KCNJ6: variants seen among roughly 807,000 people sequenced by gnomAD.
KCNJ6 encodes the protein potassium inwardly rectifying channel subfamily J member 6, also known as G protein-activated inward rectifier potassium channel 2.
Under a neutral mutation model 34.2 loss-of-function variants are expected in KCNJ6, and 9 were observed. The ratio of observed to expected loss-of-function variants is 0.26; its 90% CI spans 0.16 to 0.46. KCNJ6 has a LOEUF of 0.46. KCNJ6 is among the 20% of genes least tolerant of loss of function. KCNJ6 has a pLI of 1.00. For synonymous variants in KCNJ6, 196 were observed against 207.1 expected, an observed-to-expected ratio of 0.95 and a Z score of 0.46; for missense variants, 236 against 531.3, an observed-to-expected ratio of 0.44 and a Z score of 5.46.
rs73397988 is a variant in KCNJ6, at chr21:37,608,553, C to T, written c.*16606G>A. On this transcript the variant is annotated 3_prime_UTR_variant, in exon 4 of 4. Transcript: ENST00000609713. ...TCATGAGGCCATTTCTTACTGCTTA[C>T]GCAGAAACTGATCTACTTTCTTTAC... 18,756 of 152,252 alleles carry T rather than the reference C, an allele frequency of 0.12. 1,424 individuals are homozygous for T. Among genetic ancestry groups the T allele is most frequent in the East Asian group, 0.39 (2,028 of 5,186 alleles). 9.4% of individuals were successfully genotyped at this position (152,252 alleles called of 1,614,324 possible). A position where few individuals can be genotyped will look rare whatever the true frequency, so the allele number is the denominator to read the frequency against.
At chr21:37,870,027 T>A (rs9981520) in intron 1 of KCNJ6, among the ~76,000 whole-genome samples, 114,520 of 152,204 alleles carry the variant, frequency 0.75, 43,326 homozygotes, top group East Asian at 0.91. Flanking sequence ...ATGGCACAGG[T>A]CCCTGGGAGG....
At chr21:37,649,132 C>CAAAAAAAAAAAAAAA (rs1169306298) in intron 3 of KCNJ6, among the ~76,000 whole-genome samples, 68 of 39,782 alleles carry the variant, frequency 1.7e-3, no homozygotes, top group East Asian at 4.7e-3. Context: ...GACTCCATCT[C>CAAAAAAAAAAAAAAA]AAAAAAAAAA....
At position 37,616,647 on chromosome 21, in the gene KCNJ6, A is replaced by AAATTGGT. The variant is rs2054269395; in HGVS notation, c.*8505_*8511dup. ...GACTCTGAACATATACGCTCGGTTAAAATTGGTGGTGGCTATTAAGTGGTA... is the reference window on the plus strand; with the variant it reads ...GACTCTGAACATATACGCTCGGTTAAAATTGGTAATTGGTGGTGGCTATTAAGTGGTA... On this transcript the variant is annotated 3_prime_UTR_variant, in exon 4 of 4. Transcript: ENST00000609713. The AAATTGGT allele has an allele frequency of 7.1e-6, 1 of 141,068 alleles. No individual in the cohort carries two copies. The highest frequency in any genetic ancestry group is 2.3e-4 in the South Asian group (1 of 4,314). The allele number at this position is 141,068 out of a possible 1,614,324, so 8.7% of individuals were successfully genotyped here.
intron 3 of KCNJ6, among the ~76,000 whole-genome samples, chr21:37,664,537 T>C (rs1450745188): frequency 6.6e-6 from 1 of 152,012 alleles, no homozygotes; most frequent in East Asian, 1.9e-4. Context: ...TTTTAAGAAA[T>C]ATCATGAATT....
At chr21:37,748,181 A>G (rs1031269740) in intron 2 of KCNJ6, among the ~76,000 whole-genome samples, 1 of 152,208 alleles carries the variant, frequency 6.6e-6, no homozygotes, top group African/African-American at 2.4e-5. Context: ...TGGATACGTG[A>G]ACACTTCCAA....
chr21:37,610,636 C>T lies in KCNJ6; in HGVS notation c.*14523G>A, dbSNP rs954239551. On this transcript the variant is annotated 3_prime_UTR_variant, in exon 4 of 4. Coordinates refer to ENST00000609713, the MANE Select transcript of KCNJ6 (RefSeq NM_002240.5). ...AAAAAAAAAAGGAATACAAGTCCTA[C>T]AATGTTTGCTCTTAGATAACAATGG... is the stretch of plus-strand genomic sequence containing the variant. The T allele has an allele frequency of 2.2e-4, 29 of 132,810 alleles. No homozygotes were observed. Among genetic ancestry groups the T allele is most frequent in the African/African-American group, 8.3e-4 (29 of 35,070 alleles). The allele number at this position is 132,810 out of a possible 1,614,324, so 8.2% of individuals were successfully genotyped here.
chr21:37,656,797 T>C (rs2054466396), intron 3 of KCNJ6, among the ~76,000 whole-genome samples: 1 of 152,176 alleles, frequency 6.6e-6, no homozygotes, highest in African/African-American at 2.4e-5. Flanking sequence ...GTCTCTCTTC[T>C]CTGGGGAGGG....
At chr21:37,859,656 G>A (rs1229584089) in intron 1 of KCNJ6, among the ~76,000 whole-genome samples, 1 of 150,988 alleles carries the variant, frequency 6.6e-6, no homozygotes, top group African/African-American at 2.4e-5. Flanking sequence ...TAGGGATAAA[G>A]TGATGATTGC....
Position 37,795,607 on chromosome 21 carries a change from T to A in KCNJ6, c.25+45051A>T, listed in dbSNP as rs191834751. Among the ~76,000 whole-genome samples the A allele has an allele frequency of 2.8e-3, 431 of 151,774 alleles. 2 individuals are homozygous for A. Among genetic ancestry groups the A allele is most frequent in the Admixed American group, 5.1e-3 (77 of 15,242 alleles). Reference sequence around the variant, plus strand: ...TAAAAATACAAAAATTAGCCGGGCATGGTGGTGGGTGCCTGTAATCCCAGC... The same window carrying A: ...TAAAAATACAAAAATTAGCCGGGCAAGGTGGTGGGTGCCTGTAATCCCAGC... On this transcript the variant is annotated intron_variant, in intron 2 of 3. Coordinates refer to ENST00000609713, the MANE Select transcript of KCNJ6 (RefSeq NM_002240.5).
chr21:37,693,465 G>A (rs554788717), intron 3 of KCNJ6, among the ~76,000 whole-genome samples: 1 of 152,174 alleles, frequency 6.6e-6, no homozygotes, highest in Non-Finnish European at 1.5e-5. Flanking sequence ...AAACCCTCAA[G>A]GTGGGCTGTG....
At chr21:37,817,335 G>A (rs2055351562) in intron 2 of KCNJ6, among the ~76,000 whole-genome samples, 1 of 152,132 alleles carries the variant, frequency 6.6e-6, no homozygotes. Context: ...AGCACAAGGA[G>A]AATAACAGTA....
chr21:37,791,103 A>T (rs1346191122), intron 2 of KCNJ6, among the ~76,000 whole-genome samples: 1 of 152,176 alleles, frequency 6.6e-6, no homozygotes, highest in East Asian at 1.9e-4. Context: ...TGGCCCTGGG[A>T]GGGACCTTGT....
intron 2 of KCNJ6, among the ~76,000 whole-genome samples, chr21:37,802,433 A>C (rs2055273648): frequency 6.8e-6 from 1 of 146,614 alleles, no homozygotes; most frequent in African/African-American, 2.5e-5. Flanking sequence ...TATAATCACA[A>C]GGGTCCTTAT....
Position 37,611,697 on chromosome 21 carries a change from A to G in KCNJ6, c.*13462T>C, listed in dbSNP as rs1176020042. On this transcript the variant is annotated 3_prime_UTR_variant, in exon 4 of 4. Coordinates refer to ENST00000609713, the MANE Select transcript of KCNJ6 (RefSeq NM_002240.5). ...AGGCTGGTTCAACATTCAAAGATCAACTAATGTAATGAATATCAACAGGCA... is the reference window on the plus strand; with the variant it reads ...AGGCTGGTTCAACATTCAAAGATCAGCTAATGTAATGAATATCAACAGGCA... 3 of 152,232 alleles carry G rather than the reference A, an allele frequency of 2.0e-5. No homozygotes were observed. The highest frequency in any genetic ancestry group is 4.4e-5 in the Non-Finnish European group (3 of 68,024). The allele number at this position is 152,232 out of a possible 1,614,324, so 9.4% of individuals were successfully genotyped here. A position where few individuals can be genotyped will look rare whatever the true frequency, so the allele number is the denominator to read the frequency against.
At chr21:37,904,134 A>G (rs1192582170) in intron 1 of KCNJ6, among the ~76,000 whole-genome samples, 3 of 152,218 alleles carry the variant, frequency 2.0e-5, no homozygotes, top group African/African-American at 7.2e-5. Flanking sequence ...GCTGCTCTAA[A>G]GTCCAGGTTT....
intron 2 of KCNJ6, among the ~76,000 whole-genome samples, chr21:37,715,409 C>T (rs2054785260): frequency 6.6e-6 from 1 of 152,236 alleles, no homozygotes; most frequent in Admixed American, 6.5e-5. Flanking sequence ...GCAGGTTCTA[C>T]TGAGTCAGCT....
At chr21:37,773,583 TG>T (rs1450039440) in intron 2 of KCNJ6, among the ~76,000 whole-genome samples, 3 of 152,000 alleles carry the variant, frequency 2.0e-5, no homozygotes, top group Non-Finnish European at 2.9e-5. Flanking sequence ...GAGAGGGGGA[TG>T]GAATTGTCGA....
intron 1 of KCNJ6, among the ~76,000 whole-genome samples, chr21:37,869,008 G>A (rs2055637068): frequency 6.6e-6 from 1 of 152,240 alleles, no homozygotes; most frequent in African/African-American, 2.4e-5. Context: ...ATTGCCTGTT[G>A]GGCAAGAAAT....
chr21:37,916,199 G>A lies in KCNJ6; in HGVS notation c.-343C>T, dbSNP rs1404693805. 2.0e-5 allele frequency: 3 copies of A among 152,134 alleles called. No individual in the cohort carries two copies. The highest frequency in any genetic ancestry group is 4.4e-5 in the Non-Finnish European group (3 of 68,072). 9.4% of individuals were successfully genotyped at this position (152,134 alleles called of 1,614,324 possible). On this transcript the variant is annotated 5_prime_UTR_variant, in exon 1 of 4. Coordinates refer to ENST00000609713, the MANE Select transcript of KCNJ6 (RefSeq NM_002240.5). ...GGCTCCCTCTGGCCGAGCGCGGAGA[G>A]CAGGGCTGGGCGCTGGGGCCAAGGG...
Sources: gnomAD v4.1 joint callset for allele counts (sites outside exome capture counted in the v4.1 genomes callset) on GRCh38, gnomAD v4.1.1 for gene constraint, MANE v1.5 for transcripts, NCBI Gene and HGNC (gene_info 2026-07-23, HGNC 2026-07-21) for gene names.